Variants in GLIS3 observed in about 807,000 individuals in gnomAD.
The protein encoded by GLIS3 is zinc finger protein GLIS3.
GLIS3 carries 53 observed loss-of-function variants against 78.6 expected under a neutral mutation model. That is an observed-to-expected ratio of 0.67 (90% CI 0.54 to 0.85). The LOEUF (loss-of-function observed/expected upper bound fraction) is 0.85. Ranked by LOEUF, GLIS3 falls within the 40% of genes least tolerant of loss-of-function variation. The pLI, the probability that GLIS3 is intolerant of heterozygous loss-of-function variation, is 0.00. For synonymous variants in GLIS3, 684 were observed against 509.9 expected, an observed-to-expected ratio of 1.34 and a Z score of -4.60; for missense variants, 1,703 against 1,231.1, an observed-to-expected ratio of 1.38 and a Z score of -5.74.
At chr9:4,383,338 G>C in the GLIS3 span, among the ~76,000 whole-genome samples, 1 of 152,154 alleles carries the variant, frequency 6.6e-6, no homozygotes, top group Non-Finnish European at 1.5e-5. Context: ...ATTTGGAACT[G>C]CTGTTTGAAA....
chr9:4,083,838 T>A (rs1250305396), intron 4 of GLIS3, among the ~76,000 whole-genome samples: 9 of 152,234 alleles, frequency 5.9e-5, no homozygotes, highest in Non-Finnish European at 1.2e-4. Context: ...TCTTGCCCTA[T>A]GTACCATTTG....
intron 2 of GLIS3, among the ~76,000 whole-genome samples, chr9:4,127,419 C>T (rs1308876673): frequency 1.3e-5 from 2 of 151,910 alleles, no homozygotes; most frequent in African/African-American, 2.4e-5. Flanking sequence ...TCTCCTTGAC[C>T]CCTCCCATTG....
chr9:4,109,789 G>C (rs1019544878), intron 4 of GLIS3, among the ~76,000 whole-genome samples: 2 of 152,098 alleles, frequency 1.3e-5, no homozygotes, highest in Non-Finnish European at 2.9e-5. Context: ...CAAACTACTT[G>C]AGAATTGTTT....
At chr9:3,839,334 G>A (rs1317416177) in intron 9 of GLIS3, among the ~76,000 whole-genome samples, 2 of 152,194 alleles carry the variant, frequency 1.3e-5, no homozygotes, top group Non-Finnish European at 2.9e-5. Context: ...ATGGGCAGCA[G>A]AATGAAAACA....
chr9:4,164,737 A>T (rs1405722422), intron 2 of GLIS3, among the ~76,000 whole-genome samples: 2 of 152,214 alleles, frequency 1.3e-5, no homozygotes, highest in South Asian at 2.1e-4. Flanking sequence ...AAAGCAAAAG[A>T]TATTGTATAA....
At chr9:3,860,312 G>T (rs1384882840) in intron 8 of GLIS3, among the ~76,000 whole-genome samples, 1 of 137,640 alleles carries the variant, frequency 7.3e-6, no homozygotes, top group East Asian at 2.2e-4. Flanking sequence ...AACCTCTGGG[G>T]GATGAGGAAA....
In GLIS3 at chr9:3,904,004, A is replaced by G. The variant is rs778560652; in HGVS notation, c.1984-5169T>C. Among the ~76,000 whole-genome samples the G allele has an allele frequency of 9.2e-4, 140 of 152,274 alleles. 3 individuals are homozygous for G. Among genetic ancestry groups the G allele is most frequent in the Admixed American group, 3.3e-4 (5 of 15,298 alleles). ...CCCTGCATTCCCCAATAAGTCTCTT[A>G]GTCTTGGTACAATAGGAAACTCTTA... On this transcript the variant is annotated intron_variant, in intron 6 of 10. Coordinates refer to ENST00000381971, the MANE Select transcript of GLIS3 (RefSeq NM_001042413.2).
At chr9:4,468,338 T>C in the GLIS3 span, among the ~76,000 whole-genome samples, 1 of 152,146 alleles carries the variant, frequency 6.6e-6, no homozygotes, top group East Asian at 1.9e-4. Context: ...AATTGTCAGA[T>C]TCACCAAGGT....
intron 4 of GLIS3, among the ~76,000 whole-genome samples, chr9:3,971,214 T>G (rs1227241821): frequency 1.3e-5 from 2 of 151,560 alleles, no homozygotes; most frequent in African/African-American, 4.9e-5. Flanking sequence ...CCTCTCAAAG[T>G]GGAGAACATT....
intron 2 of GLIS3, among the ~76,000 whole-genome samples, chr9:4,275,555 T>C (rs914854624): frequency 1.3e-5 from 2 of 150,500 alleles, no homozygotes; most frequent in Non-Finnish European, 3.0e-5. Flanking sequence ...AGCCTAGGAG[T>C]TTGAGACCAT....
chr9:4,444,437 G>A, the GLIS3 span, among the ~76,000 whole-genome samples: 1 of 152,206 alleles, frequency 6.6e-6, no homozygotes, highest in Non-Finnish European at 1.5e-5. Context: ...AGTACACACA[G>A]TTTTTGAATG....
intron 2 of GLIS3, among the ~76,000 whole-genome samples, chr9:4,345,981 C>A (rs10758610): frequency 0.99 from 150,144 of 152,342 alleles, 74,024 homozygotes; most frequent in Middle Eastern, 1. Flanking sequence ...AAATACAGTT[C>A]GAGTGGGAGA....
chr9:3,921,144 A>G (rs1214878189), intron 6 of GLIS3, among the ~76,000 whole-genome samples: 2 of 152,234 alleles, frequency 1.3e-5, no homozygotes, highest in African/African-American at 2.4e-5. Flanking sequence ...TAAGGTGTGT[A>G]GTACAACAGC....
chr9:4,056,898 C>CT (rs34752011), intron 4 of GLIS3, among the ~76,000 whole-genome samples: 30,839 of 98,182 alleles, frequency 0.31, 5,611 homozygotes, highest in East Asian at 0.55. Flanking sequence ...CTTCAAGACA[C>CT]TTTTTTTTTT....
intron 4 of GLIS3, among the ~76,000 whole-genome samples, chr9:4,099,790 T>C (rs923600644): frequency 1.3e-5 from 2 of 152,244 alleles, no homozygotes; most frequent in African/African-American, 4.8e-5. Flanking sequence ...AATGTCTGCA[T>C]TGTACTCATA....
chr9:4,314,582 C>A (rs1817411973), intron 2 of GLIS3, among the ~76,000 whole-genome samples: 1 of 152,184 alleles, frequency 6.6e-6, no homozygotes, highest in Non-Finnish European at 1.5e-5. Context: ...GCAGGGTAAA[C>A]CTCTACTAAG....
Position 4,118,922 on chromosome 9 carries a change from C to T in GLIS3, c.597-41G>A, listed in dbSNP as rs1223513926. 1.9e-6 allele frequency: 3 copies of T among 1,585,378 alleles called. No individual in the cohort carries two copies. Among genetic ancestry groups the T allele is most frequent in the South Asian group, 1.1e-5 (1 of 89,530 alleles). ...GAAAGGAAGAAAAAAAAAAGATAAA[C>T]ATTTTAGCAGGATACGGATTGCTTA... On this transcript the variant is annotated intron_variant, in intron 3 of 10. Coordinates refer to ENST00000381971, the MANE Select transcript of GLIS3 (RefSeq NM_001042413.2). This position sits in a 1 kb window ranked among gnomAD's most constrained non-coding sequence, Gnocchi z 4.7.
the GLIS3 span, among the ~76,000 whole-genome samples, chr9:4,356,216 T>C: frequency 2.0e-5 from 3 of 152,164 alleles, no homozygotes; most frequent in African/African-American, 4.8e-5. Flanking sequence ...TTCATTTCAG[T>C]CGCTATTGTA....
the GLIS3 span, among the ~76,000 whole-genome samples, chr9:4,442,249 T>C: frequency 7.9e-5 from 12 of 152,252 alleles, no homozygotes; most frequent in African/African-American, 1.2e-4. Context: ...TAATTGTTCA[T>C]AATTGTCTGT....
Sources: allele counts gnomAD v4.1 joint callset (sites outside exome capture counted in the v4.1 genomes callset), GRCh38; gene constraint gnomAD v4.1.1; non-coding constraint Gnocchi (gnomAD v3.1); transcripts MANE v1.5; gene names NCBI Gene and HGNC (gene_info 2026-07-23, HGNC 2026-07-21).